The following LUZP4 variants were observed in gnomAD, a reference collection of about 807,000 sequenced individuals.
The protein encoded by LUZP4 is HOM-TES-85 tumor antigen.
LUZP4 carries 11 observed loss-of-function variants against 8.5 expected under a neutral mutation model. The observed-to-expected ratio is 1.30, with a 90% CI of 0.82 to 2.14. The LOEUF is 2.14. Ranked by LOEUF, LUZP4 falls within the 30% of genes most tolerant of loss-of-function variation. The probability of loss-of-function intolerance (pLI) is 0.00; values close to 1 mark genes in which losing one functional copy is unlikely to be tolerated. For missense variants in LUZP4, 276 were observed against 229.7 expected, an observed-to-expected ratio of 1.20 and a Z score of -1.30; for synonymous variants, 104 against 79.4, an observed-to-expected ratio of 1.31 and a Z score of -1.65.
intron 3 of LUZP4, among the ~76,000 whole-genome samples, chrX:115,304,713 G>C (rs1238088464): frequency 9.3e-6 from 1 of 107,498 alleles, no homozygotes; most frequent in Non-Finnish European, 1.9e-5. Flanking sequence ...ATGAGGTCTC[G>C]CTATGTTGCC....
chrX:115,293,598 A>T (rs6643954), intron 1 of LUZP4, among the ~76,000 whole-genome samples: 8,010 of 108,689 alleles, frequency 0.074, 272 homozygotes, highest in Non-Finnish European at 0.1. Context: ...TCCTTTTTTT[A>T]AAAAAAAAGC....
At chrX:115,290,034 A>G (rs1284802824) in intron 1 of LUZP4, among the ~76,000 whole-genome samples, 184 bp downstream of exon 1, 1 of 110,261 alleles carries the variant, frequency 9.1e-6, no homozygotes, top group Non-Finnish European at 1.9e-5. Context: ...CTTGGCCCCT[A>G]TCCCTCCTCT....
In LUZP4 at chrX:115,302,012, GAGTT is replaced by G. The variant is rs782739104; in HGVS notation, c.115_118del (p.Leu39LysfsTer67). 8.6e-7 allele frequency: 1 copy of G among 1,164,702 alleles called. No individual in the cohort carries two copies. The highest frequency in any genetic ancestry group is 2.4e-5 in the Admixed American group (1 of 41,963). ...TACAGACGACATTATAATCTATAAA[GAGTT>G]AGAAGGGACAAATGCTGAAGAAGAA... On this transcript the variant is annotated frameshift_variant, in exon 2 of 4. Transcript: ENST00000371920. LOFTEE classifies it high-confidence loss of function.
At chrX:115,298,268 T>C (rs2073379742) in intron 1 of LUZP4, among the ~76,000 whole-genome samples, 1 of 111,998 alleles carries the variant, frequency 8.9e-6, no homozygotes, top group Admixed American at 9.5e-5. Context: ...GGTTTAACCA[T>C]GTTGGCCAGG....
chrX:115,289,914 C>T, intron 1 of LUZP4, 64 bp downstream of exon 1: 2 of 803,140 alleles, frequency 2.5e-6, no homozygotes, highest in East Asian at 6.9e-5. Context: ...CGCAAGACCT[C>T]GGCATAGCGC....
rs782229278 is a variant in LUZP4, at chrX:115,306,691, C to G, written c.829C>G (p.Gln277Glu). Residue 277 changes from glutamine (Q) to glutamate (E), a missense_variant, in exon 4 of 4, where the codon CAG becomes GAG. Transcript: ENST00000371920. The stretch of plus-strand genomic sequence containing the variant: ...CACTCAGAGAGATCTCATAGTCACT[C>G]AGAGAGATCTCGTGGCCACTGAGAG... ...IATQRDLIVTQRDLVATERDL... is the reference protein window; with the variant it reads ...IATQRDLIVTERDLVATERDL... 22 of 1,210,899 alleles carry G rather than the reference C, an allele frequency of 1.8e-5. No individual in the cohort carries two copies. Among genetic ancestry groups the G allele is most frequent in the Non-Finnish European group, 2.5e-5 (22 of 895,342 alleles).
intron 1 of LUZP4, among the ~76,000 whole-genome samples, chrX:115,295,063 C>T (rs958984477): frequency 1.8e-5 from 2 of 111,460 alleles, no homozygotes; most frequent in Non-Finnish European, 3.8e-5. Flanking sequence ...CAGGCCCTTG[C>T]GGTTTATTTT....
At chrX:115,300,924 T>G (rs184533139) in intron 1 of LUZP4, among the ~76,000 whole-genome samples, 34 of 111,256 alleles carry the variant, frequency 3.1e-4, no homozygotes, top group African/African-American at 9.8e-4. Flanking sequence ...GAAGGTGTTT[T>G]TTTCTGTGTA....
Position 115,306,719 on chromosome X carries a change from A to G in LUZP4, c.857A>G (p.Asp286Gly). 1 of 1,210,498 alleles carries G rather than the reference A, an allele frequency of 8.3e-7. No homozygotes were observed. The highest frequency in any genetic ancestry group is 1.1e-6 in the Non-Finnish European group (1 of 894,943). Reference protein sequence around the residue: ...TQRDLVATERDLINQSGRSHG... With the variant: ...TQRDLVATERGLINQSGRSHG... ...AGAGATCTCGTGGCCACTGAGAGAG[A>G]TCTCATAAATCAGTCAGGGAGATCT... The change falls in exon 4 of 4, where the codon GAT becomes GGT. Residue 286 changes from aspartate to glycine, a missense_variant. By Grantham distance (94) the Asp-to-Gly change is moderately conservative (BLOSUM62 -1). Transcript: ENST00000371920.
At position 115,306,290 on chromosome X, in the gene LUZP4, C is replaced by T. The variant is rs782336423; in HGVS notation, c.428C>T (p.Pro143Leu). Residue 143 changes from proline to leucine, a missense_variant, in exon 4 of 4, where the codon CCG (proline) becomes CTG (leucine). By Grantham distance (98) the Pro-to-Leu change is moderately conservative. Transcript: ENST00000371920. ...AACCAGCATCAATCAGAAGGAAATC[C>T]GGACAAATCAGAAGAATCCCAGGGC... ...EGNQHQSEGNPDKSEESQGQP... is the reference protein window; with the variant it reads ...EGNQHQSEGNLDKSEESQGQP... 4 of 1,211,142 alleles carry T rather than the reference C, an allele frequency of 3.3e-6. No homozygotes were observed. Among genetic ancestry groups the T allele is most frequent in the Admixed American group, 4.4e-5 (2 of 45,930 alleles).
rs1556598246 is a variant in LUZP4 at position 115,294,508 on chromosome X, G to A, written c.91+4658G>A. Among the ~76,000 whole-genome samples, 5 of 111,607 alleles carry A rather than the reference G, an allele frequency of 4.5e-5. No homozygotes were observed. In the South Asian group the frequency reaches 1.1e-3, roughly 26 times the overall value. On this transcript the variant is annotated intron_variant, in intron 1 of 3. Transcript: ENST00000371920. ...TGTGCCCCGGAAAGTGGGCCTAAAC[G>A]CTCACGTTTGGGTAGCCAGCAATTT...
rs992964060 is a variant in LUZP4, at chrX:115,306,376, C to T, written c.514C>T (p.Gln172Ter). ...AAACCACTTAGAGAGATCTCTTTCT[C>T]AGTCAGACAGATCTCAAGGGCAGCT... ...SRNHLERSLS[Q>*]SDRSQGQLKR... The change falls in exon 4 of 4, where the codon CAG becomes TAG. Residue 172 changes from glutamine to a stop codon, truncating the protein, a stop_gained. Transcript: ENST00000371920. LOFTEE classifies it low-confidence loss of function (END_TRUNC). 1.7e-6 allele frequency: 2 copies of T among 1,211,150 alleles called. No homozygotes were observed. Among genetic ancestry groups the T allele is most frequent in the South Asian group, 1.8e-5 (1 of 56,948 alleles).
intron 1 of LUZP4, among the ~76,000 whole-genome samples, chrX:115,292,875 T>G (rs782233491): frequency 9.0e-6 from 1 of 111,376 alleles, no homozygotes; most frequent in East Asian, 2.8e-4. Context: ...CTTTAAGATG[T>G]TTTTAGCAAT....
At chrX:115,304,067 T>C (rs1478300773) in intron 3 of LUZP4, among the ~76,000 whole-genome samples, 1 of 112,730 alleles carries the variant, frequency 8.9e-6, no homozygotes, top group Non-Finnish European at 1.9e-5. Flanking sequence ...TGCAAATGTT[T>C]ATTTATTTGC....
chrX:115,297,506 T>G (rs1482270974), intron 1 of LUZP4, among the ~76,000 whole-genome samples: 1 of 111,811 alleles, frequency 8.9e-6, no homozygotes, highest in Non-Finnish European at 1.9e-5. Context: ...TTCTTCTTCA[T>G]GTTTGAAGCA....
intron 3 of LUZP4, among the ~76,000 whole-genome samples, chrX:115,305,400 T>A (rs1481569889): frequency 7.1e-5 from 8 of 112,419 alleles, no homozygotes; most frequent in Non-Finnish European, 1.1e-4. Flanking sequence ...TTCCCTGCTG[T>A]TTAGCAGTTG....
chrX:115,290,959 T>G (rs968502923), intron 1 of LUZP4, among the ~76,000 whole-genome samples: 3 of 110,917 alleles, frequency 2.7e-5, no homozygotes, highest in Admixed American at 1.9e-4. Flanking sequence ...GGTTTTTGTT[T>G]TTTTGTTTTG....
intron 1 of LUZP4, among the ~76,000 whole-genome samples, chrX:115,290,159 C>T (rs1297574843): frequency 9.0e-6 from 1 of 111,014 alleles, no homozygotes; most frequent in East Asian, 2.9e-4. Flanking sequence ...GAAAATAGAC[C>T]GCTATTAACG....
chrX:115,306,613 GATCTC>G lies in LUZP4; in HGVS notation c.754_758del (p.Leu252SerfsTer31). 6.6e-6 allele frequency: 8 copies of G among 1,209,987 alleles called. No homozygotes were observed. Among genetic ancestry groups the G allele is most frequent in the Non-Finnish European group, 8.9e-6 (8 of 895,159 alleles). On this transcript the variant is annotated frameshift_variant, in exon 4 of 4. Transcript: ENST00000371920. LOFTEE classifies it low-confidence loss of function (END_TRUNC). ...GAGTGATCTCATAGCCACTCAGAGA[GATCTC>G]ATAGCCACTCAGAAAGATCTCATAG...
Sources: gnomAD v4.1 joint callset for allele counts (sites outside exome capture counted in the v4.1 genomes callset) on GRCh38, gnomAD v4.1.1 for gene constraint, MANE v1.5 for transcripts, NCBI Gene and HGNC (gene_info 2026-07-23, HGNC 2026-07-21) for gene names.